Variants in DZIP1 observed in about 807,000 individuals in gnomAD.
The protein encoded by DZIP1 is cilium assembly protein DZIP1.
Under a neutral mutation model 107.6 loss-of-function variants are expected in DZIP1, and 97 were observed. The ratio of observed to expected loss-of-function variants is 0.90; its 90% CI spans 0.77 to 1.07. DZIP1 has a LOEUF of 1.07. Ranked by LOEUF, DZIP1 falls within the 50% of genes least tolerant of loss-of-function variation. The probability of loss-of-function intolerance (pLI) is 0.00; values close to 1 mark genes in which losing one functional copy is unlikely to be tolerated. For synonymous variants in DZIP1, 390 were observed against 386.4 expected (o/e 1.01, Z -0.11); for missense variants, 1,035 against 1,063.6 (o/e 0.97, Z 0.37).
chr13:95,586,117 A>G lies in DZIP1; in HGVS notation c.2238T>C (p.Pro746=), dbSNP rs542235861. Residue 746 remains proline (P), a synonymous_variant, in exon 21 of 23, where the codon CCT becomes CCC. Transcript: ENST00000376829. ...PKPAGVAVKT[P]TEKVEKMFPH... ...GAAACATCTTTTCAACTTTTTCAGT[A>G]GGTGTTTTAACGGCGACTCCTATAA... 6 of 1,610,734 alleles carry G rather than the reference A, an allele frequency of 3.7e-6. No individual in the cohort carries two copies. The highest frequency in any genetic ancestry group is 1.7e-5 in the Admixed American group (1 of 59,292).
Position 95,590,266 on chromosome 13 carries a change from G to C in DZIP1, c.1843+13C>G, listed in dbSNP as rs1053529637. On this transcript the variant is annotated intron_variant, in intron 17 of 22. Coordinates refer to ENST00000376829, the MANE Select transcript of DZIP1 (RefSeq NM_198968.4). The stretch of plus-strand genomic sequence containing the variant: ...TAAATTAAGCTCCCATTTGCAGTGG[G>C]TAACAAGCTTACCTGAAGAGAGTAG... The C allele has an allele frequency of 2.5e-6, 4 of 1,590,226 alleles. No homozygotes were observed. Among genetic ancestry groups the C allele is most frequent in the Non-Finnish European group, 2.6e-6 (3 of 1,171,530 alleles).
At chr13:95,593,755 G>C (rs1254801131) in intron 16 of DZIP1, among the ~76,000 whole-genome samples, 189 bp downstream of exon 16, 1 of 152,168 alleles carries the variant, frequency 6.6e-6, no homozygotes, top group Non-Finnish European at 1.5e-5. Flanking sequence ...TATTTGTTAA[G>C]GTCGTAGAAA....
At chr13:95,633,129 G>T in intron 6 of DZIP1, 105 bp downstream of exon 6, 2 of 1,055,856 alleles carry the variant, frequency 1.9e-6, no homozygotes, top group African/African-American at 1.6e-5. Flanking sequence ...CAGGGACCGT[G>T]ATGCTTCTTT....
Position 95,624,948 on chromosome 13 carries a change from A to T in DZIP1, c.811-19T>A, listed in dbSNP as rs1455843294. ...CATATTCCTGAAATTATTTTAATAC[A>T]CATCTTTAAAAGTTCTGGTCTGAAG... On this transcript the variant is annotated intron_variant, in intron 7 of 22. Coordinates refer to ENST00000376829, the MANE Select transcript of DZIP1 (RefSeq NM_198968.4). The T allele has an allele frequency of 6.4e-7, 1 of 1,568,618 alleles. No homozygotes were observed. The highest frequency in any genetic ancestry group is 8.6e-7 in the Non-Finnish European group (1 of 1,160,312).
chr13:95,639,998 A>ATT (rs71682947), intron 5 of DZIP1, among the ~76,000 whole-genome samples: 9,679 of 142,940 alleles, frequency 0.068, 402 homozygotes, highest in East Asian at 0.15. Context: ...ATTTTTATTT[A>ATT]TTTTTTTTTT....
chr13:95,620,559 C>T (rs1174138385), intron 9 of DZIP1, among the ~76,000 whole-genome samples: 1 of 152,166 alleles, frequency 6.6e-6, no homozygotes, highest in African/African-American at 2.4e-5. Flanking sequence ...ATATCATAGG[C>T]TCTGGGGGCC....
intron 12 of DZIP1, among the ~76,000 whole-genome samples, chr13:95,611,186 G>A (rs886510625): frequency 6.6e-6 from 1 of 152,100 alleles, no homozygotes; most frequent in African/African-American, 2.4e-5. Context: ...TCCTAAGCAG[G>A]TATTATGTGC....
At chr13:95,629,920 G>A in intron 7 of DZIP1, 69 bp downstream of exon 7, 1 of 1,478,120 alleles carries the variant, frequency 6.8e-7, no homozygotes, top group Non-Finnish European at 9.0e-7. Flanking sequence ...CTGTTTATTA[G>A]AGTCCATGGC....
intron 10 of DZIP1, among the ~76,000 whole-genome samples, chr13:95,616,104 C>T (rs1165792639): frequency 1.3e-5 from 2 of 152,186 alleles, no homozygotes; most frequent in Admixed American, 1.3e-4. Context: ...ACACTCCTTG[C>T]ACAGTGGAGC....
intron 18 of DZIP1, 145 bp downstream of exon 18, chr13:95,589,658 A>T: frequency 9.3e-7 from 1 of 1,072,804 alleles, no homozygotes; most frequent in Non-Finnish European, 1.3e-6. Flanking sequence ...ACCTGACTAT[A>T]CTGGCATCCT....
chr13:95,586,186 T>C (rs1345345962), intron 20 of DZIP1, 50 bp from the exon 21 acceptor site: 2 of 1,468,648 alleles, frequency 1.4e-6, no homozygotes, highest in African/African-American at 1.4e-5. Flanking sequence ...AAATTTAATC[T>C]ATCTTTAGTT....
chr13:95,630,924 G>T, intron 6 of DZIP1: 1 of 313,012 alleles, frequency 3.2e-6, no homozygotes, highest in Admixed American at 5.0e-5. Context: ...GCTGAAGAAT[G>T]GTAGATTAAT....
At chr13:95,611,299 A>G in intron 12 of DZIP1, 146 bp downstream of exon 12, 1 of 649,202 alleles carries the variant, frequency 1.5e-6, no homozygotes, top group Non-Finnish European at 2.7e-6. Flanking sequence ...TCAAATTAAA[A>G]TAATAGAGGA....
At chr13:95,584,577 G>T (rs2044102391) in intron 22 of DZIP1, 159 bp downstream of exon 22, 1 of 1,334,604 alleles carries the variant, frequency 7.5e-7, no homozygotes, top group Non-Finnish European at 9.6e-7. Context: ...GAATCAGTGA[G>T]TTATGCATAT....
chr13:95,604,025 A>G (rs2044698741), intron 14 of DZIP1, among the ~76,000 whole-genome samples: 1 of 152,192 alleles, frequency 6.6e-6, no homozygotes. Flanking sequence ...TCAGTGGAGG[A>G]CAAGCCAGAG....
intron 13 of DZIP1, among the ~76,000 whole-genome samples, chr13:95,607,187 C>T (rs1244347598): frequency 6.6e-6 from 1 of 152,162 alleles, no homozygotes; most frequent in Admixed American, 6.5e-5. Flanking sequence ...ACTGGGACTA[C>T]AGGCATGCGG....
chr13:95,621,356 C>T (rs539237986), intron 9 of DZIP1, among the ~76,000 whole-genome samples: 3 of 152,216 alleles, frequency 2.0e-5, no homozygotes, highest in East Asian at 1.9e-4. Context: ...GTAGGAAGTC[C>T]GGAATAAGGG....
chr13:95,617,902 G>A (rs955192418), intron 10 of DZIP1: 8 of 518,522 alleles, frequency 1.5e-5, no homozygotes, highest in Non-Finnish European at 2.7e-5. Context: ...AGACAGCCTG[G>A]ACTCGGGGAT....
chr13:95,617,402 A>C (rs1875246211), intron 10 of DZIP1, among the ~76,000 whole-genome samples: 1 of 152,064 alleles, frequency 6.6e-6, no homozygotes, highest in Non-Finnish European at 1.5e-5. Flanking sequence ...AGCCCAGATG[A>C]CACTCTCAAT....
Sources: gnomAD v4.1 joint callset for allele counts (sites outside exome capture counted in the v4.1 genomes callset) on GRCh38, gnomAD v4.1.1 for gene constraint, MANE v1.5 for transcripts, NCBI Gene and HGNC (gene_info 2026-07-23, HGNC 2026-07-21) for gene names.